PCDHGA4: variants seen among roughly 807,000 people sequenced by gnomAD.
The protein encoded by PCDHGA4 is protocadherin gamma-A4.
PCDHGA4 carries 38 observed loss-of-function variants against 54.6 expected under a neutral mutation model. The ratio of observed to expected loss-of-function variants is 0.70; its 90% CI spans 0.54 to 0.91. The LOEUF is 0.91. PCDHGA4 is among the 40% of genes least tolerant of loss of function. The pLI is 0.00. For missense variants in PCDHGA4, 1,298 were observed against 1,220.9 expected (o/e 1.06, Z -0.94); for synonymous variants, 511 against 512.9 (o/e 1.00, Z 0.05).
At chr5:141,375,575 G>A (rs1209081341) in intron 1 of PCDHGA4, 1 of 1,613,960 alleles carries the variant, frequency 6.2e-7, no homozygotes, top group East Asian at 2.2e-5. Context: ...CACCCTCCAG[G>A]GGGCGCCCCT....
intron 1 of PCDHGA4, among the ~76,000 whole-genome samples, chr5:141,488,741 C>A (rs2099678972): frequency 1.3e-5 from 2 of 152,310 alleles, no homozygotes; most frequent in South Asian, 4.1e-4. Context: ...TGAAGTCATG[C>A]AGGAAGTTGC....
chr5:141,393,526 A>G, intron 1 of PCDHGA4: 3 of 1,613,974 alleles, frequency 1.9e-6, no homozygotes, highest in East Asian at 2.2e-5. Context: ...ACAAATGACA[A>G]TGCCCCGGTT....
intron 1 of PCDHGA4, chr5:141,478,843 C>G: frequency 7.2e-7 from 1 of 1,398,442 alleles, no homozygotes; most frequent in South Asian, 1.5e-5. Flanking sequence ...GATGGTTAAG[C>G]TAAAACACAA....
rs774745752 is a variant in PCDHGA4, at chr5:141,360,510, T to G, written c.2514+2889T>G. ...TCTACATAGCAGTAATTGTGCAGGATATAAATGATAATACCCCGCTATTCA... is the reference window on the plus strand; with the variant it reads ...TCTACATAGCAGTAATTGTGCAGGAGATAAATGATAATACCCCGCTATTCA... On this transcript the variant is annotated intron_variant, in intron 1 of 3. Transcript: ENST00000571252. 3 of 1,613,972 alleles carry G rather than the reference T, an allele frequency of 1.9e-6. No individual in the cohort carries two copies. The South Asian group carries it at 3.3e-5, about 18-fold the overall frequency.
At chr5:141,436,173 A>T (rs556225963) in intron 1 of PCDHGA4, among the ~76,000 whole-genome samples, 1 of 152,302 alleles carries the variant, frequency 6.6e-6, no homozygotes, top group East Asian at 1.9e-4. Context: ...GACAGTTCTC[A>T]TATATAGTCA....
Position 141,355,302 on chromosome 5 carries a change from G to A in PCDHGA4, c.195G>A (p.Ser65=). 7 of 1,613,916 alleles carry A rather than the reference G, an allele frequency of 4.3e-6. No homozygotes were observed. Among genetic ancestry groups the A allele is most frequent in the Non-Finnish European group, 5.9e-6 (7 of 1,179,904 alleles). Residue 65 remains serine, a synonymous_variant, in exon 1 of 4, where the codon TCG becomes TCA. Coordinates refer to ENST00000571252, the MANE Select transcript of PCDHGA4 (RefSeq NM_018917.4). ...TCAGGGCCGAACAGATTCTCTACTCGGTGTTTGAGGAGCAGGAAGAAGGCT... is the reference window on the plus strand; with the variant it reads ...TCAGGGCCGAACAGATTCTCTACTCAGTGTTTGAGGAGCAGGAAGAAGGCT... ...VEIRAEQILY[S]VFEEQEEGSV... is the part of the protein sequence containing the mutation.
At position 141,455,301 on chromosome 5, in the gene PCDHGA4, T is replaced by G. The variant is rs192443408; in HGVS notation, c.2515-39506T>G. Among the ~76,000 whole-genome samples, 191 of 152,308 alleles carry G rather than the reference T, an allele frequency of 1.3e-3. 1 individual carries two copies. Among genetic ancestry groups the G allele is most frequent in the African/African-American group, 4.4e-3 (181 of 41,566 alleles). On this transcript the variant is annotated intron_variant, in intron 1 of 3. Transcript: ENST00000571252. ...AACATCACTTTACATAGTTTCATCT[T>G]GCATTAGCAATTTTGTGTGTGTGTT...
Position 141,487,904 on chromosome 5 carries a change from G to A in PCDHGA4, c.2515-6903G>A, listed in dbSNP as rs1229814755. On this transcript the variant is annotated intron_variant, in intron 1 of 3. Coordinates refer to ENST00000571252, the MANE Select transcript of PCDHGA4 (RefSeq NM_018917.4). The surrounding 1 kb of genome is among the most constrained non-coding windows in gnomAD (Gnocchi z 5.0). ...TGTGGAAGCATGATGATGGAATGTG[G>A]GAGCACAGGAGGCTACAGTGCACAG... 8.8e-6 allele frequency: 6 copies of A among 685,686 alleles called. No individual in the cohort carries two copies. The highest frequency in any genetic ancestry group is 1.5e-5 in the Non-Finnish European group (6 of 410,118). 42.5% of individuals were successfully genotyped at this position (685,686 alleles called of 1,614,324 possible). A position where few individuals can be genotyped will look rare whatever the true frequency, so the allele number is the denominator to read the frequency against.
At chr5:141,484,050 C>T (rs1262678828) in intron 1 of PCDHGA4, among the ~76,000 whole-genome samples, 1 of 151,984 alleles carries the variant, frequency 6.6e-6, no homozygotes, top group Non-Finnish European at 1.5e-5. Flanking sequence ...CAAGAGGTCC[C>T]CTGGGGCTAA....
At chr5:141,438,629 TATATATACAC>T (rs1412065186) in intron 1 of PCDHGA4, among the ~76,000 whole-genome samples, 590 of 47,950 alleles carry the variant, frequency 0.012, no homozygotes, top group African/African-American at 0.039. Flanking sequence ...TATATATATA[TATATATACAC>T]ACACACACAC....
chr5:141,427,995 G>C (rs1292989797), intron 1 of PCDHGA4: 2 of 1,599,590 alleles, frequency 1.3e-6, no homozygotes, highest in African/African-American at 2.7e-5. Flanking sequence ...CGATGGCTCC[G>C]CACTCTTCGA....
At chr5:141,376,380 G>C in intron 1 of PCDHGA4, 4 of 1,614,214 alleles carry the variant, frequency 2.5e-6, no homozygotes, top group Non-Finnish European at 3.4e-6. Flanking sequence ...TCGCGTAAGA[G>C]TCATCTGATT....
chr5:141,371,567 C>T (rs1767853623), intron 1 of PCDHGA4: 4 of 1,613,906 alleles, frequency 2.5e-6, no homozygotes, highest in Non-Finnish European at 3.4e-6. Flanking sequence ...GAAACTTCCC[C>T]TTTAAAATCG....
Position 141,476,239 on chromosome 5 carries a change from A to T in PCDHGA4, c.2515-18568A>T. ...TTCACTATGAGATCCCGGAGGAAAG[A>T]GAGAAGGGTTTCGCTGTGGGCAACG... is the stretch of plus-strand genomic sequence containing the variant. On this transcript the variant is annotated intron_variant, in intron 1 of 3. Coordinates refer to ENST00000571252, the MANE Select transcript of PCDHGA4 (RefSeq NM_018917.4). This position sits in a 1 kb window ranked among gnomAD's most constrained non-coding sequence, Gnocchi z 7.6. 1 of 1,613,826 alleles carries T rather than the reference A, an allele frequency of 6.2e-7. No homozygotes were observed. Among genetic ancestry groups the T allele is most frequent in the Non-Finnish European group, 8.5e-7 (1 of 1,179,996 alleles).
rs755443869 is a variant in PCDHGA4, at chr5:141,362,288, C to G, written c.2514+4667C>G. 6 of 1,614,094 alleles carry G rather than the reference C, an allele frequency of 3.7e-6. No individual in the cohort carries two copies. The South Asian group carries it at 6.6e-5, about 18-fold the overall frequency. The stretch of plus-strand genomic sequence containing the variant: ...GCAATCTCCCTGCGCCTGCGACTCT[C>G]TTCCAGGTCAGATGCTTGGGACTGT... On this transcript the variant is annotated intron_variant, in intron 1 of 3. Transcript: ENST00000571252.
intron 1 of PCDHGA4, chr5:141,409,017 G>T (rs745981387): frequency 3.1e-6 from 5 of 1,613,840 alleles, no homozygotes; most frequent in Non-Finnish European, 4.2e-6. Flanking sequence ...CAGGATGAGG[G>T]GGTCAATGCT....
In PCDHGA4 at chr5:141,418,429, A is replaced by G. The variant is rs765952024; in HGVS notation, c.2514+60808A>G. ...AGAAAGACAATCCTGATGGTGGCAAATATCCAGAATTAGTATTGCAGAAGA... is the reference window on the plus strand; with the variant it reads ...AGAAAGACAATCCTGATGGTGGCAAGTATCCAGAATTAGTATTGCAGAAGA... On this transcript the variant is annotated intron_variant, in intron 1 of 3. Transcript: ENST00000571252. 8.7e-6 allele frequency: 14 copies of G among 1,613,972 alleles called. No homozygotes were observed. In the South Asian group the frequency reaches 1.5e-4, roughly 18 times the overall value.
At chr5:141,376,697 T>TTTTTTTTTA (rs60911796) in intron 1 of PCDHGA4, 1 of 652,042 alleles carries the variant, frequency 1.5e-6, no homozygotes, top group African/African-American at 2.1e-5. Context: ...TTTTTTTTTT[T>TTTTTTTTTA]GAGACGGAGT....
intron 1 of PCDHGA4, among the ~76,000 whole-genome samples, chr5:141,455,243 A>G (rs945218710): frequency 1.3e-5 from 2 of 152,146 alleles, no homozygotes; most frequent in Non-Finnish European, 2.9e-5. Flanking sequence ...GTTAAAGGTC[A>G]TAGTACAATC....
Sources: gnomAD v4.1 joint callset for allele counts (sites outside exome capture counted in the v4.1 genomes callset) on GRCh38, gnomAD v4.1.1 for gene constraint, Gnocchi (gnomAD v3.1) non-coding constraint, MANE v1.5 for transcripts, NCBI Gene and HGNC (gene_info 2026-07-23, HGNC 2026-07-21) for gene names.